Variants in PIK3R5 observed in about 807,000 individuals in gnomAD.
PIK3R5 encodes the protein phosphoinositide-3-kinase regulatory subunit 5, also known as phosphoinositide 3-kinase regulatory subunit 5.
A neutral mutation model predicts 94.9 loss-of-function variants in PIK3R5; 32 were observed. The observed-to-expected ratio is 0.34, with a 90% CI of 0.25 to 0.45. The LOEUF is 0.45. Among genes scored for constraint, PIK3R5 ranks in the 20% least tolerant of loss-of-function variants. PIK3R5 has a pLI of 1.00. For missense variants in PIK3R5, 853 were observed against 1,144.6 expected (o/e 0.75, Z 3.68); for synonymous variants, 443 against 479.4 (o/e 0.92, Z 0.99).
chr17:8,931,472 C>A (rs1010197762), intron 1 of PIK3R5, among the ~76,000 whole-genome samples: 2 of 152,140 alleles, frequency 1.3e-5, no homozygotes, highest in African/African-American at 2.4e-5. Context: ...GGGAAACACA[C>A]AAGGGGAGCC....
chr17:8,894,590 A>G (rs1456232099), intron 5 of PIK3R5, among the ~76,000 whole-genome samples: 1 of 152,144 alleles, frequency 6.6e-6, no homozygotes, highest in African/African-American at 2.4e-5. Flanking sequence ...CTGAGAAGAA[A>G]CACACCAAAG....
rs921774646 is a variant in PIK3R5, at chr17:8,893,779, C to T, written c.413-124G>A. 9.8e-6 allele frequency: 7 copies of T among 715,162 alleles called. No homozygotes were observed. Among genetic ancestry groups the T allele is most frequent in the South Asian group, 1.6e-5 (1 of 61,708 alleles). 44.3% of individuals were successfully genotyped at this position (715,162 alleles called of 1,614,324 possible). ...ATTCCCGGATGGAGCTCAGGCGAACCTGCAGAGAAGCTGTTCTGTGGACCC... is the reference window on the plus strand; with the variant it reads ...ATTCCCGGATGGAGCTCAGGCGAACTTGCAGAGAAGCTGTTCTGTGGACCC... On this transcript the variant is annotated intron_variant, in intron 5 of 18. Transcript: ENST00000447110. This position sits in a 1 kb window ranked among gnomAD's most constrained non-coding sequence, Gnocchi z 5.1.
rs1382983242 is a variant in PIK3R5, at chr17:8,881,112, A to G, written c.2383-95T>C. ...TTCTCAGAACTGCCCATCCACTTCT[A>G]GGGGTGTGGGAGGGCAGGGGTTTGT... On this transcript the variant is annotated intron_variant, in intron 17 of 18. Transcript: ENST00000447110. The surrounding 1 kb of genome is among the most constrained non-coding windows in gnomAD (Gnocchi z 4.8). 2 of 929,920 alleles carry G rather than the reference A, an allele frequency of 2.2e-6. No individual in the cohort carries two copies. The highest frequency in any genetic ancestry group is 3.5e-6 in the Non-Finnish European group (2 of 567,130). 57.6% of individuals were successfully genotyped at this position (929,920 alleles called of 1,614,324 possible).
In PIK3R5 at chr17:8,892,287, A is replaced by G. The variant is rs1242931044; in HGVS notation, c.482+1299T>C. Among the ~76,000 whole-genome samples, 3 of 152,174 alleles carry G rather than the reference A, an allele frequency of 2.0e-5. No homozygotes were observed. Among genetic ancestry groups the G allele is most frequent in the Non-Finnish European group, 4.4e-5 (3 of 68,024 alleles). The stretch of plus-strand genomic sequence containing the variant: ...TCACTTTGATTTCTCTATCTGTAAG[A>G]AAAAGGAGGTGGGCTTGTATAAGCA... On this transcript the variant is annotated intron_variant, in intron 6 of 18. Coordinates refer to ENST00000447110, the MANE Select transcript of PIK3R5 (RefSeq NM_001142633.3). The surrounding 1 kb of genome is among the most constrained non-coding windows in gnomAD (Gnocchi z 4.3).
Position 8,897,996 on chromosome 17 carries a change from A to C in PIK3R5, c.413-4341T>G, listed in dbSNP as rs1172142313. Among the ~76,000 whole-genome samples, 3 of 152,024 alleles carry C rather than the reference A, an allele frequency of 2.0e-5. No homozygotes were observed. In the East Asian group the frequency reaches 5.8e-4, roughly 29 times the overall value. ...AAAGAAAAATAGCCCCTGAGAGTTT[A>C]AGGCATAGTTGTTTGGGGCTTTCTG... On this transcript the variant is annotated intron_variant, in intron 5 of 18. Transcript: ENST00000447110.
intron 5 of PIK3R5, among the ~76,000 whole-genome samples, chr17:8,901,163 A>G (rs562619298): frequency 6.6e-6 from 1 of 152,260 alleles, no homozygotes; most frequent in African/African-American, 2.4e-5. Context: ...GTTTGACCTT[A>G]AACTGGCGTG....
chr17:8,898,383 G>A (rs2090199440), intron 5 of PIK3R5, among the ~76,000 whole-genome samples: 1 of 152,230 alleles, frequency 6.6e-6, no homozygotes, highest in Non-Finnish European at 1.5e-5. Flanking sequence ...AAGGGGGAGA[G>A]CGTTTATAAA....
At chr17:8,905,538 C>T in intron 4 of PIK3R5, 131 bp downstream of exon 4, 1 of 591,346 alleles carries the variant, frequency 1.7e-6, no homozygotes, top group South Asian at 2.2e-5. Context: ...GGGTTGAAAC[C>T]CATTTCACAT....
chr17:8,944,715 A>G (rs1358962524), intron 1 of PIK3R5, among the ~76,000 whole-genome samples: 1 of 152,200 alleles, frequency 6.6e-6, no homozygotes, highest in Non-Finnish European at 1.5e-5. Context: ...TAGGGCAGGA[A>G]CACGGGTGAT....
At chr17:8,902,366 T>A (rs1204792054) in intron 5 of PIK3R5, among the ~76,000 whole-genome samples, 1 of 150,172 alleles carries the variant, frequency 6.7e-6, no homozygotes, top group Non-Finnish European at 1.5e-5. Flanking sequence ...AGCGATTCTC[T>A]GCCTCAGCCT....
chr17:8,958,919 G>A (rs1176406111), intron 1 of PIK3R5, among the ~76,000 whole-genome samples: 3 of 151,996 alleles, frequency 2.0e-5, no homozygotes, highest in South Asian at 2.1e-4. Flanking sequence ...CATCACGCCC[G>A]GCTAATATTT....
At chr17:8,926,617 G>A (rs781031328) in intron 1 of PIK3R5, among the ~76,000 whole-genome samples, 4 of 152,126 alleles carry the variant, frequency 2.6e-5, no homozygotes, top group Middle Eastern at 3.2e-3. Flanking sequence ...ATCAAATCAC[G>A]TGAGACTTAT....
intron 10 of PIK3R5, 144 bp from the exon 11 acceptor site, chr17:8,887,827 T>G: frequency 1.6e-6 from 1 of 615,634 alleles, no homozygotes; most frequent in Non-Finnish European, 2.6e-6. Context: ...ACCCCATCTC[T>G]ACTAAGACAA....
intron 1 of PIK3R5, among the ~76,000 whole-genome samples, chr17:8,926,984 C>T (rs2090895461): frequency 6.6e-6 from 1 of 151,804 alleles, no homozygotes; most frequent in African/African-American, 2.4e-5. Flanking sequence ...ATTTGAAATA[C>T]AACTACAAGC....
intron 5 of PIK3R5, among the ~76,000 whole-genome samples, chr17:8,894,397 G>A (rs2090101636): frequency 6.6e-6 from 1 of 152,118 alleles, no homozygotes; most frequent in Non-Finnish European, 1.5e-5. Flanking sequence ...GCCAGGCAGT[G>A]GGTTTCGAGT....
chr17:8,881,077 G>T lies in PIK3R5; in HGVS notation c.2383-60C>A. The T allele has an allele frequency of 1.6e-6, 2 of 1,280,430 alleles. No homozygotes were observed. Among genetic ancestry groups the T allele is most frequent in the Non-Finnish European group, 2.3e-6 (2 of 875,980 alleles). The allele number at this position is 1,280,430 out of a possible 1,614,324, so 79.3% of individuals were successfully genotyped here. A position where few individuals can be genotyped will look rare whatever the true frequency, so the allele number is the denominator to read the frequency against. ...GGCCATCCAACACTGCCAGCCCCTG[G>T]CAGTTCCTTTTCTCAGAACTGCCCA... On this transcript the variant is annotated intron_variant, in intron 17 of 18. Coordinates refer to ENST00000447110, the MANE Select transcript of PIK3R5 (RefSeq NM_001142633.3). This position sits in a 1 kb window ranked among gnomAD's most constrained non-coding sequence, Gnocchi z 4.8.
In PIK3R5 at chr17:8,925,271, A is replaced by G. The variant is rs919341729; in HGVS notation, c.-13-13764T>C. ...GTAGATAGATAGATGGTTAGCTAGT[A>G]GATGATAGATAGTAGATGGATAGAT... On this transcript the variant is annotated intron_variant, in intron 1 of 18. Transcript: ENST00000447110. The surrounding 1 kb of genome is among the most constrained non-coding windows in gnomAD (Gnocchi z 5.1). Among the ~76,000 whole-genome samples, 3 of 151,748 alleles carry G rather than the reference A, an allele frequency of 2.0e-5. No homozygotes were observed. Among genetic ancestry groups the G allele is most frequent in the African/African-American group, 7.3e-5 (3 of 41,204 alleles).
intron 5 of PIK3R5, among the ~76,000 whole-genome samples, chr17:8,897,503 G>A (rs1229834275): frequency 6.6e-6 from 1 of 152,208 alleles, no homozygotes; most frequent in African/African-American, 2.4e-5. Flanking sequence ...GAACTGAGAT[G>A]AGACCTTTCA....
rs1198779684 is a variant in PIK3R5, at chr17:8,887,613, G to A, written c.1687C>T (p.Arg563Ter). 3.7e-6 allele frequency: 6 copies of A among 1,610,162 alleles called. No individual in the cohort carries two copies. Among genetic ancestry groups the A allele is most frequent in the Non-Finnish European group, 1.7e-6 (2 of 1,178,258 alleles). Residue 563 changes from arginine (R) to a stop codon, truncating the protein, a stop_gained, in exon 11 of 19, where the codon CGA becomes TGA. Transcript: ENST00000447110. LOFTEE classifies it high-confidence loss of function. ...KLQFFYVPVK[R>*]SHGTSPGACP... ...GCACCAGGGCTGGTCCCATGACTTC[G>A]CTTCACAGGCACGTAGAAGAACTGA...
Sources: allele counts gnomAD v4.1 joint callset (sites outside exome capture counted in the v4.1 genomes callset), GRCh38; gene constraint gnomAD v4.1.1; non-coding constraint Gnocchi (gnomAD v3.1); transcripts MANE v1.5; gene names NCBI Gene and HGNC (gene_info 2026-07-23, HGNC 2026-07-21).